The following KAT2B variants were observed in gnomAD, a reference collection of about 807,000 sequenced individuals.
The protein encoded by KAT2B is histone acetyltransferase KAT2B.
In KAT2B, 36 loss-of-function variants were observed where a neutral mutation model predicts 105.9. That is an observed-to-expected ratio of 0.34 (90% CI 0.26 to 0.45). KAT2B has a LOEUF of 0.45. Ranked by LOEUF, KAT2B falls within the 20% of genes least tolerant of loss-of-function variation. The pLI, the probability that KAT2B is intolerant of heterozygous loss-of-function variation, is 1.00. For synonymous variants in KAT2B, 397 were observed against 377.9 expected, an observed-to-expected ratio of 1.05 and a Z score of -0.59; for missense variants, 820 against 1,021.6, an observed-to-expected ratio of 0.80 and a Z score of 2.69.
intron 2 of KAT2B, among the ~76,000 whole-genome samples, chr3:20,092,744 T>C (rs918491047): frequency 5.3e-5 from 8 of 151,942 alleles, no homozygotes; most frequent in East Asian, 1.9e-4. Context: ...CCTCTGTCAC[T>C]AGGCTGGAGT....
chr3:20,127,441 T>A lies in KAT2B; in HGVS notation c.1641T>A (p.Ala547=). ...CTTTCAGGAAACACAAAACCCTTGC[T>A]TTAATTAAAGATGGCCGTGTTATTG... ...LVFDPKHKTL[A]LIKDGRVIGG... Residue 547 remains alanine (A), a synonymous_variant, in exon 11 of 18, where the codon GCT becomes GCA. Transcript: ENST00000263754. 1 of 1,613,202 alleles carries A rather than the reference T, an allele frequency of 6.2e-7. No individual in the cohort carries two copies. The highest frequency in any genetic ancestry group is 2.2e-5 in the East Asian group (1 of 44,888).
At chr3:20,094,485 A>G (rs1171523518) in intron 2 of KAT2B, among the ~76,000 whole-genome samples, 2 of 152,114 alleles carry the variant, frequency 1.3e-5, no homozygotes, top group African/African-American at 4.8e-5. Context: ...GTAAAATGCA[A>G]TTACTAATAC....
intron 5 of KAT2B, among the ~76,000 whole-genome samples, chr3:20,106,987 A>ATATATATATATATATATATATG (rs1699021582): frequency 8.6e-5 from 1 of 11,630 alleles, no homozygotes; most frequent in African/African-American, 3.3e-4. Context: ...ATGTATATAT[A>ATATATATATATATATATATATG]TATATATATA....
At chr3:20,125,810 T>C in intron 9 of KAT2B, 95 bp from the exon 10 acceptor site, 1 of 1,005,338 alleles carries the variant, frequency 9.9e-7, no homozygotes, top group Admixed American at 1.9e-5. Flanking sequence ...AATGTGTATC[T>C]TATTAGAACA....
At chr3:20,072,592 C>T in intron 2 of KAT2B, 133 bp downstream of exon 2, 1 of 818,060 alleles carries the variant, frequency 1.2e-6, no homozygotes, top group Non-Finnish European at 2.0e-6. Flanking sequence ...AAGAGCCTCT[C>T]TAGTCTCACG....
Position 20,072,470 on chromosome 3 carries a change from A to C in KAT2B, c.430+11A>C, listed in dbSNP as rs143856943. Reference sequence around the variant, plus strand: ...GTAGCCATGCCCTAGGTGAGTTCCTAAATCTTCAAGGAAAGTATAACGAGT... The same window carrying C: ...GTAGCCATGCCCTAGGTGAGTTCCTCAATCTTCAAGGAAAGTATAACGAGT... On this transcript the variant is annotated intron_variant, in intron 2 of 17. Coordinates refer to ENST00000263754, the MANE Select transcript of KAT2B (RefSeq NM_003884.5). The C allele has an allele frequency of 6.2e-7, 1 of 1,612,376 alleles. No individual in the cohort carries two copies. The highest frequency in any genetic ancestry group is 1.3e-5 in the African/African-American group (1 of 74,872).
intron 5 of KAT2B, among the ~76,000 whole-genome samples, chr3:20,105,146 A>G (rs1698977955): frequency 6.6e-6 from 1 of 152,108 alleles, no homozygotes; most frequent in African/African-American, 2.4e-5. Context: ...TCGTCCTCCT[A>G]AAGTGCTGGG....
intron 3 of KAT2B, among the ~76,000 whole-genome samples, chr3:20,097,381 T>C (rs956743956): frequency 6.6e-6 from 1 of 152,170 alleles, no homozygotes; most frequent in African/African-American, 2.4e-5. Flanking sequence ...AGTGCAAATA[T>C]ATTTGCTTGT....
chr3:20,114,448 A>G (rs1484703518), intron 6 of KAT2B, among the ~76,000 whole-genome samples: 2 of 152,218 alleles, frequency 1.3e-5, no homozygotes, highest in Non-Finnish European at 2.9e-5. Flanking sequence ...TAGAATATAT[A>G]ACTCATAGGG....
In KAT2B at chr3:20,154,141, TCC is replaced by T; in HGVS notation, c.*1617_*1618del. Reference sequence around the variant, plus strand: ...TGCTGAAGCATCTGTCCAGCTGGTATCCTGTGAAAGTTTGTTATTTTCTGAGT... The same window carrying T: ...TGCTGAAGCATCTGTCCAGCTGGTATTGTGAAAGTTTGTTATTTTCTGAGT... On this transcript the variant is annotated 3_prime_UTR_variant, in exon 18 of 18. Coordinates refer to ENST00000263754, the MANE Select transcript of KAT2B (RefSeq NM_003884.5). 6.5e-6 allele frequency: 1 copy of T among 152,776 alleles called. No individual in the cohort carries two copies. The highest frequency in any genetic ancestry group is 2.1e-4 in the South Asian group (1 of 4,830). The allele number at this position is 152,776 out of a possible 1,614,324, so 9.5% of individuals were successfully genotyped here.
chr3:20,068,630 C>T (rs749940165), intron 1 of KAT2B, among the ~76,000 whole-genome samples: 1 of 152,078 alleles, frequency 6.6e-6, no homozygotes, highest in African/African-American at 2.4e-5. Flanking sequence ...CCGGCTACCC[C>T]TAATGTAATC....
chr3:20,046,846 T>G (rs1169843425), intron 1 of KAT2B, among the ~76,000 whole-genome samples: 2 of 152,128 alleles, frequency 1.3e-5, no homozygotes, highest in African/African-American at 4.8e-5. Flanking sequence ...TTTGACAATG[T>G]CTGGAGACAT....
chr3:20,114,063 CTG>C (rs144042517), intron 6 of KAT2B, among the ~76,000 whole-genome samples: 10,926 of 152,070 alleles, frequency 0.072, 450 homozygotes, highest in East Asian at 0.2. Context: ...ACTTAGGTAT[CTG>C]TATTTCTTTT....
rs1699809251 is a variant in KAT2B at position 20,148,112 on chromosome 3, G to A, written c.2156+113G>A. ...TAATCACTAACACAACAGTTGGTGG[G>A]TTTTGAGTTTCCTAAAACATTCTGG... On this transcript the variant is annotated intron_variant, in intron 15 of 17. Transcript: ENST00000263754. The A allele has an allele frequency of 8.8e-6, 12 of 1,368,018 alleles. No homozygotes were observed. In the East Asian group the frequency reaches 2.8e-4, roughly 32 times the overall value. 84.7% of individuals were successfully genotyped at this position (1,368,018 alleles called of 1,614,324 possible).
chr3:20,131,653 G>A (rs1164049931), intron 11 of KAT2B, among the ~76,000 whole-genome samples: 2 of 151,892 alleles, frequency 1.3e-5, no homozygotes, highest in Non-Finnish European at 2.9e-5. Context: ...CTGCGTCTGC[G>A]ACCTCCTGTG....
At chr3:20,044,619 A>G (rs1017936785) in intron 1 of KAT2B, among the ~76,000 whole-genome samples, 8 of 152,052 alleles carry the variant, frequency 5.3e-5, no homozygotes, top group African/African-American at 1.4e-4. Flanking sequence ...GGCTTTGCAC[A>G]TGCTGTTCAC....
chr3:20,040,820 G>T, intron 1 of KAT2B, 40 bp downstream of exon 1: 1 of 1,538,962 alleles, frequency 6.5e-7, no homozygotes, highest in Non-Finnish European at 8.7e-7. Context: ...TGGGTGCTAG[G>T]GGCCCAGCCC....
chr3:20,080,293 T>C (rs1442500891), intron 2 of KAT2B, among the ~76,000 whole-genome samples: 2 of 152,192 alleles, frequency 1.3e-5, no homozygotes, highest in African/African-American at 2.4e-5. Context: ...TGCTCCATGT[T>C]CTCCAAAGGT....
At chr3:20,116,781 A>G (rs1216530764) in intron 7 of KAT2B, among the ~76,000 whole-genome samples, 2 of 152,182 alleles carry the variant, frequency 1.3e-5, no homozygotes, top group African/African-American at 4.8e-5. Context: ...AGTTGGAATT[A>G]TGATCTCCTT....
Sources: gnomAD v4.1 joint callset for allele counts (sites outside exome capture counted in the v4.1 genomes callset) on GRCh38, gnomAD v4.1.1 for gene constraint, MANE v1.5 for transcripts, NCBI Gene and HGNC (gene_info 2026-07-23, HGNC 2026-07-21) for gene names.